LNX2: variants seen among roughly 807,000 people sequenced by gnomAD.
LNX2 encodes the protein ligand of Numb protein X 2.
A neutral mutation model predicts 66.2 loss-of-function variants in LNX2; 35 were observed. The ratio of observed to expected loss-of-function variants is 0.53; its 90% CI spans 0.40 to 0.70. The LOEUF is 0.70. Ranked by LOEUF, LNX2 falls within the 30% of genes least tolerant of loss-of-function variation. The probability of loss-of-function intolerance (pLI) is 0.00; values close to 1 mark genes in which losing one functional copy is unlikely to be tolerated. For missense variants in LNX2, 791 were observed against 850.8 expected (o/e 0.93, Z 0.87); for synonymous variants, 337 against 315.6 (o/e 1.07, Z -0.72).
At chr13:27,601,688 A>T (rs552669962) in intron 1 of LNX2, among the ~76,000 whole-genome samples, 15 of 152,270 alleles carry the variant, frequency 9.9e-5, no homozygotes, top group East Asian at 7.7e-4. Flanking sequence ...AAAATTTTTT[A>T]AAATTTTTAT....
At chr13:27,609,878 G>T (rs1054809178) in intron 1 of LNX2, among the ~76,000 whole-genome samples, 3 of 152,136 alleles carry the variant, frequency 2.0e-5, no homozygotes, top group Non-Finnish European at 4.4e-5. Context: ...AAATTCAAAT[G>T]TGCTAATAAA....
intron 1 of LNX2, among the ~76,000 whole-genome samples, chr13:27,605,862 T>C (rs1955708969): frequency 6.6e-6 from 1 of 152,156 alleles, no homozygotes; most frequent in Admixed American, 6.5e-5. Context: ...ACACTGAAAA[T>C]ATTAAAACTT....
intron 4 of LNX2, among the ~76,000 whole-genome samples, chr13:27,565,044 GTAAGATTGCCA>G (rs951049060): frequency 6.6e-6 from 1 of 152,112 alleles, no homozygotes; most frequent in Non-Finnish European, 1.5e-5. Context: ...TAAACTAGAT[GTAAGATTGCCA>G]TTATTGGAGT....
chr13:27,592,758 A>C (rs1390219633), intron 1 of LNX2, among the ~76,000 whole-genome samples: 1 of 152,158 alleles, frequency 6.6e-6, no homozygotes, highest in Non-Finnish European at 1.5e-5. Flanking sequence ...ATTGGACGAA[A>C]ATTAAGAGAG....
intron 4 of LNX2, 129 bp downstream of exon 4, chr13:27,567,510 GT>G (rs1955221156): frequency 5.6e-6 from 4 of 710,070 alleles, no homozygotes; most frequent in Non-Finnish European, 9.7e-6. Context: ...AAATTCTGAT[GT>G]TTTGCATATA....
intron 1 of LNX2, among the ~76,000 whole-genome samples, chr13:27,607,714 T>C (rs73448811): frequency 0.11 from 16,270 of 152,232 alleles, 1,062 homozygotes; most frequent in Non-Finnish European, 0.14. Flanking sequence ...ATGCCTTGTT[T>C]TGACTCTTAA....
chr13:27,573,318 TTTC>T (rs1234922902), intron 2 of LNX2, among the ~76,000 whole-genome samples: 1 of 152,066 alleles, frequency 6.6e-6, no homozygotes. Flanking sequence ...GCTTGTCTTT[TTTC>T]TTCTTTTTTT....
At chr13:27,559,810 AT>A (rs768058600) in intron 6 of LNX2, 31 bp downstream of exon 6, 4 of 1,490,020 alleles carry the variant, frequency 2.7e-6, no homozygotes, top group Non-Finnish European at 3.6e-6. Context: ...TGATCCTTTG[AT>A]GGTGGCATAA....
intron 9 of LNX2, among the ~76,000 whole-genome samples, chr13:27,549,298 T>C (rs1954978901): frequency 6.6e-6 from 1 of 152,220 alleles, no homozygotes; most frequent in African/African-American, 2.4e-5. Flanking sequence ...CTATATAGAA[T>C]GTCAACATTT....
intron 2 of LNX2, among the ~76,000 whole-genome samples, chr13:27,578,001 A>G (rs3928110): frequency 0.46 from 70,131 of 152,032 alleles, 16,459 homozygotes; most frequent in Middle Eastern, 0.54. Flanking sequence ...GAGACTGTCC[A>G]TGTCTCTTAA....
At chr13:27,549,334 C>T (rs1954979219) in intron 9 of LNX2, among the ~76,000 whole-genome samples, 1 of 152,152 alleles carries the variant, frequency 6.6e-6, no homozygotes. Flanking sequence ...GTTCTTCCTT[C>T]GTAAACCAGG....
At chr13:27,552,498 T>C (rs1041240025) in intron 8 of LNX2, among the ~76,000 whole-genome samples, 4 of 152,242 alleles carry the variant, frequency 2.6e-5, no homozygotes, top group African/African-American at 9.6e-5. Flanking sequence ...CTTCATAGCT[T>C]AGTTTTAGGA....
chr13:27,553,167 T>C lies in LNX2; in HGVS notation c.1778+41A>G, dbSNP rs555011445. ...TACACACTGATAAGGGCTGCAAGCA[T>C]GATTATGATTTCCATAAAGCAACAA... is the stretch of plus-strand genomic sequence containing the variant. On this transcript the variant is annotated intron_variant, in intron 8 of 9. Coordinates refer to ENST00000316334, the MANE Select transcript of LNX2 (RefSeq NM_153371.4). The C allele has an allele frequency of 1.6e-5, 24 of 1,525,834 alleles. No homozygotes were observed. In the South Asian group the frequency reaches 2.0e-4, roughly 13 times the overall value. The allele number at this position is 1,525,834 out of a possible 1,614,324, so 94.5% of individuals were successfully genotyped here.
chr13:27,620,589 G>T (rs940044207), upstream of LNX2, among the ~76,000 whole-genome samples: 8 of 152,300 alleles, frequency 5.3e-5, no homozygotes, highest in African/African-American at 1.9e-4. Context: ...GCCTTCCCGG[G>T]GGCAGCGCCA....
intron 1 of LNX2, among the ~76,000 whole-genome samples, chr13:27,589,483 T>G (rs1467580577): frequency 1.3e-5 from 2 of 152,244 alleles, no homozygotes; most frequent in East Asian, 3.8e-4. Context: ...TTTGTTCATT[T>G]TTATTTTTTG....
chr13:27,616,018 C>T (rs559384348), intron 1 of LNX2, among the ~76,000 whole-genome samples: 1 of 152,250 alleles, frequency 6.6e-6, no homozygotes, highest in South Asian at 2.1e-4. Context: ...TGGCCCATGA[C>T]ACAGCCTTCA....
chr13:27,570,891 T>C (rs1263424983), intron 2 of LNX2, among the ~76,000 whole-genome samples: 1 of 152,124 alleles, frequency 6.6e-6, no homozygotes, highest in African/African-American at 2.4e-5. Context: ...AGCTAACAAC[T>C]CTACACCTTC....
At chr13:27,554,223 C>T (rs1444148604) in intron 7 of LNX2, among the ~76,000 whole-genome samples, 1 of 152,108 alleles carries the variant, frequency 6.6e-6, no homozygotes, top group Non-Finnish European at 1.5e-5. Flanking sequence ...TAAAATTACC[C>T]CAATACTACA....
intron 1 of LNX2, among the ~76,000 whole-genome samples, chr13:27,596,872 A>T (rs1955604122): frequency 6.6e-6 from 1 of 152,214 alleles, no homozygotes; most frequent in Non-Finnish European, 1.5e-5. Flanking sequence ...GTCTACTCCC[A>T]ATGTCATAAC....
Sources: allele counts gnomAD v4.1 joint callset (sites outside exome capture counted in the v4.1 genomes callset), GRCh38; gene constraint gnomAD v4.1.1; transcripts MANE v1.5; gene names NCBI Gene and HGNC (gene_info 2026-07-23, HGNC 2026-07-21).